Variants in PCLO observed in about 807,000 individuals in gnomAD.
PCLO encodes protein piccolo.
Under a neutral mutation model 427.5 loss-of-function variants are expected in PCLO, and 82 were observed. The ratio of observed to expected loss-of-function variants is 0.19; its 90% CI spans 0.16 to 0.23. The LOEUF (loss-of-function observed/expected upper bound fraction) is 0.23. PCLO is among the 10% of genes least tolerant of loss of function. The pLI, the probability that PCLO is intolerant of heterozygous loss-of-function variation, is 1.00. For missense variants in PCLO, 6,239 were observed against 6,115.9 expected (o/e 1.02, Z -0.67); for synonymous variants, 2,357 against 2,155.4 (o/e 1.09, Z -2.59).
rs1206424784 is a variant in PCLO, at chr7:82,957,056, A to G, written c.4018-121T>C. The G allele has an allele frequency of 4.8e-6, 5 of 1,041,132 alleles. No homozygotes were observed. The South Asian group carries it at 8.6e-5, about 18-fold the overall frequency. The allele number at this position is 1,041,132 out of a possible 1,614,324, so 64.5% of individuals were successfully genotyped here. A position where few individuals can be genotyped will look rare whatever the true frequency, so the allele number is the denominator to read the frequency against. On this transcript the variant is annotated intron_variant, in intron 4 of 24. Transcript: ENST00000333891. Reference sequence around the variant, plus strand: ...ATAATTTTGGAAAATTTTTTCAACCATATCTCAGTATTTTTTAAAAGTTTG... The same window carrying G: ...ATAATTTTGGAAAATTTTTTCAACCGTATCTCAGTATTTTTTAAAAGTTTG...
chr7:83,075,105 T>C (rs1052009668), intron 3 of PCLO, among the ~76,000 whole-genome samples: 1 of 152,126 alleles, frequency 6.6e-6, no homozygotes, highest in African/African-American at 2.4e-5. Flanking sequence ...CTTGCTGAAA[T>C]CCTACTGTAC....
intron 3 of PCLO, among the ~76,000 whole-genome samples, chr7:83,042,704 T>C (rs1486708756): frequency 6.6e-6 from 1 of 152,050 alleles, no homozygotes; most frequent in African/African-American, 2.4e-5. Flanking sequence ...CTACTAAAAA[T>C]ACAAAATATT....
intron 9 of PCLO, among the ~76,000 whole-genome samples, chr7:82,887,534 T>C (rs1333358898): frequency 6.6e-6 from 1 of 152,138 alleles, no homozygotes; most frequent in African/African-American, 2.4e-5. Context: ...TAAGAGTGGA[T>C]AAGAAAATGT....
intron 3 of PCLO, among the ~76,000 whole-genome samples, chr7:83,115,955 A>G (rs1398790445): frequency 6.6e-6 from 1 of 151,862 alleles, no homozygotes; most frequent in Non-Finnish European, 1.5e-5. Context: ...GCACACATAT[A>G]TAATACTCTC....
intron 3 of PCLO, among the ~76,000 whole-genome samples, chr7:83,066,567 G>A (rs1789674971): frequency 6.6e-6 from 1 of 152,114 alleles, no homozygotes; most frequent in Non-Finnish European, 1.5e-5. Context: ...TTCCCAGAAA[G>A]TTAACTTTAG....
At chr7:83,093,492 A>ATATATATATTTTTTTTTTTTTTTT in intron 3 of PCLO, among the ~76,000 whole-genome samples, 3 of 59,306 alleles carry the variant, frequency 5.1e-5, no homozygotes, top group Admixed American at 2.9e-4. Context: ...ATATATATAT[A>ATATATATATTTTTTTTTTTTTTTT]TTTTTTTTTT....
intron 3 of PCLO, among the ~76,000 whole-genome samples, chr7:83,014,794 AT>A (rs1788166904): frequency 6.6e-6 from 1 of 152,068 alleles, no homozygotes; most frequent in Non-Finnish European, 1.5e-5. Context: ...CTTTGTCCTA[AT>A]TTCCTGCTTA....
At chr7:83,090,638 T>G (rs1449449935) in intron 3 of PCLO, among the ~76,000 whole-genome samples, 1 of 152,084 alleles carries the variant, frequency 6.6e-6, no homozygotes, top group Non-Finnish European at 1.5e-5. Flanking sequence ...CACACAAATC[T>G]GTGATGGGTA....
intron 22 of PCLO, among the ~76,000 whole-genome samples, chr7:82,779,199 GT>G (rs1324548331): frequency 1.3e-5 from 2 of 152,000 alleles, no homozygotes; most frequent in African/African-American, 4.8e-5. Flanking sequence ...TTGTTAAAAA[GT>G]TCTTTTTAAA....
chr7:82,848,456 G>A (rs1220977323), intron 10 of PCLO, among the ~76,000 whole-genome samples: 8 of 151,472 alleles, frequency 5.3e-5, no homozygotes, highest in Admixed American at 5.3e-4. Flanking sequence ...GATTACAGGT[G>A]TGCGCCACCA....
At chr7:82,815,714 T>G (rs1279268857) in intron 20 of PCLO, among the ~76,000 whole-genome samples, 1 of 151,980 alleles carries the variant, frequency 6.6e-6, no homozygotes, top group Non-Finnish European at 1.5e-5. Context: ...TCTGAAAAAT[T>G]TTTCTGCCTT....
At chr7:82,888,289 G>A (rs1793675996) in intron 9 of PCLO, among the ~76,000 whole-genome samples, 1 of 152,102 alleles carries the variant, frequency 6.6e-6, no homozygotes, top group South Asian at 2.1e-4. Context: ...ACGAGAAGCA[G>A]AAGAGATGGC....
At chr7:83,031,712 ATCTCTC>A (rs35232098) in intron 3 of PCLO, among the ~76,000 whole-genome samples, 26 of 142,576 alleles carry the variant, frequency 1.8e-4, no homozygotes, top group East Asian at 2.1e-4. Context: ...ATGAGTCTTA[ATCTCTC>A]TCTCTCTCTC....
chr7:83,100,897 C>CGATATACAA (rs1378185554), intron 3 of PCLO, among the ~76,000 whole-genome samples: 1 of 151,966 alleles, frequency 6.6e-6, no homozygotes, highest in Non-Finnish European at 1.5e-5. Context: ...ATACACACAG[C>CGATATACAA]GATATACAAA....
chr7:82,991,286 G>C (rs1433057534), intron 3 of PCLO, among the ~76,000 whole-genome samples: 3 of 151,832 alleles, frequency 2.0e-5, no homozygotes, highest in African/African-American at 7.3e-5. Context: ...ATTTTATATA[G>C]GTTTATCATA....
chr7:83,061,329 G>C (rs1789537737), intron 3 of PCLO, among the ~76,000 whole-genome samples: 1 of 152,144 alleles, frequency 6.6e-6, no homozygotes, highest in Non-Finnish European at 1.5e-5. Context: ...TTAAAGGCCA[G>C]CTTATGAACA....
Position 82,951,414 on chromosome 7 carries a change from A to C in PCLO, c.9174T>G (p.Ile3058Met), listed in dbSNP as rs2116427486. Residue 3058 changes from isoleucine to methionine, a missense_variant, in exon 6 of 25, where the codon ATT becomes ATG. By Grantham distance (10) the Ile-to-Met change is conservative. Coordinates refer to ENST00000333891, the MANE Select transcript of PCLO (RefSeq NM_033026.6). ...ETRQVISGAG[I>M]STPQYSTARM... is the part of the protein sequence containing the mutation. ...TTGCTGTGGAATACTGTGGGGTACT[A>C]ATCCCAGCTCCTGAAATGACTTGTC... The C allele has an allele frequency of 1.3e-6, 2 of 1,597,936 alleles. No homozygotes were observed. Among genetic ancestry groups the C allele is most frequent in the Admixed American group, 1.7e-5 (1 of 57,262 alleles).
intron 3 of PCLO, among the ~76,000 whole-genome samples, chr7:82,989,793 G>A (rs928661666): frequency 6.6e-6 from 1 of 152,006 alleles, no homozygotes; most frequent in African/African-American, 2.4e-5. Flanking sequence ...CTATCAGACA[G>A]TTTATTCCGT....
rs1466967362 is a variant in PCLO at position 82,895,081 on chromosome 7, A to G, written c.13528+7570T>C. ...CTCCATTTTATATACAAATTTATCAACAAAGCTTTGCAAATCTGAATGAAG... is the reference window on the plus strand; with the variant it reads ...CTCCATTTTATATACAAATTTATCAGCAAAGCTTTGCAAATCTGAATGAAG... On this transcript the variant is annotated intron_variant, in intron 9 of 24. Transcript: ENST00000333891. Among the ~76,000 whole-genome samples, 3 of 152,220 alleles carry G rather than the reference A, an allele frequency of 2.0e-5. 1 individual carries two copies. The highest frequency in any genetic ancestry group is 4.1e-4 in the South Asian group (2 of 4,830).
Sources: allele counts gnomAD v4.1 joint callset (sites outside exome capture counted in the v4.1 genomes callset), GRCh38; gene constraint gnomAD v4.1.1; transcripts MANE v1.5; gene names NCBI Gene and HGNC (gene_info 2026-07-23, HGNC 2026-07-21).